The following BCAP31 variants were observed in gnomAD, a reference collection of about 807,000 sequenced individuals.
BCAP31 encodes the protein B-cell receptor-associated protein 31.
For missense variants in BCAP31, 124 were observed against 193.0 expected, an observed-to-expected ratio of 0.64 and a Z score of 2.12; for synonymous variants, 75 against 80.9, an observed-to-expected ratio of 0.93 and a Z score of 0.39.
chrX:153,707,462 G>A (rs2091562624), intron 4 of BCAP31, among the ~76,000 whole-genome samples: 1 of 111,075 alleles, frequency 9.0e-6, no homozygotes, highest in African/African-American at 3.3e-5. Flanking sequence ...GACAGGTGAG[G>A]GGACAGATTT....
intron 4 of BCAP31, among the ~76,000 whole-genome samples, chrX:153,708,729 G>A (rs1557048650): frequency 1.8e-5 from 2 of 112,901 alleles, no homozygotes; most frequent in African/African-American, 3.2e-5. Flanking sequence ...TGCCCTCAGC[G>A]ACTCTTACCC....
At chrX:153,721,927 C>A (rs922907354) in intron 2 of BCAP31, among the ~76,000 whole-genome samples, 3 of 110,632 alleles carry the variant, frequency 2.7e-5, no homozygotes, top group Non-Finnish European at 5.7e-5. Flanking sequence ...AACAAAAAAA[C>A]CACAACAACA....
At chrX:153,722,403 C>T (rs1193712706) in intron 2 of BCAP31, among the ~76,000 whole-genome samples, 4 of 111,476 alleles carry the variant, frequency 3.6e-5, no homozygotes, top group Non-Finnish European at 7.5e-5. Context: ...ATTGTCTGTC[C>T]TCTAAAGCTT....
At chrX:153,720,683 A>T (rs1458581379) in intron 3 of BCAP31, among the ~76,000 whole-genome samples, 189 bp downstream of exon 3, 1 of 112,409 alleles carries the variant, frequency 8.9e-6, no homozygotes, top group Non-Finnish European at 1.9e-5. Flanking sequence ...CTCAAAGTGA[A>T]GAACCGACTA....
chrX:153,702,824 G>A (rs1394381910), intron 6 of BCAP31, 111 bp downstream of exon 6: 19 of 1,060,147 alleles, frequency 1.8e-5, no homozygotes, highest in Middle Eastern at 3.7e-4. Context: ...GCCAGCCCTC[G>A]AGCGTGCGTG....
At chrX:153,723,582 AT>A in intron 1 of BCAP31, 1 of 1,168,080 alleles carries the variant, frequency 8.6e-7, no homozygotes, top group Non-Finnish European at 1.1e-6. Flanking sequence ...GAAGCCCGAG[AT>A]TTCCGACGCC....
At chrX:153,720,090 C>T (rs1358729778) in intron 3 of BCAP31, among the ~76,000 whole-genome samples, 1 of 111,779 alleles carries the variant, frequency 8.9e-6, no homozygotes, top group African/African-American at 3.3e-5. Context: ...CAGGGAATGG[C>T]AGGACTTCAC....
At chrX:153,718,864 C>T (rs2091646703) in intron 3 of BCAP31, among the ~76,000 whole-genome samples, 1 of 111,188 alleles carries the variant, frequency 9.0e-6, no homozygotes, top group Non-Finnish European at 1.9e-5. Context: ...AGATCCTGCA[C>T]CCTCAGCAAC....
chrX:153,703,345 T>G (rs1251532879), intron 5 of BCAP31, among the ~76,000 whole-genome samples: 1 of 112,942 alleles, frequency 8.9e-6, no homozygotes, highest in Non-Finnish European at 1.9e-5. Context: ...CCTGCCTCCT[T>G]CCCAAGCAGC....
intron 4 of BCAP31, chrX:153,705,004 G>A (rs1207087990): frequency 8.9e-6 from 1 of 111,949 alleles, no homozygotes; most frequent in Non-Finnish European, 1.9e-5. Context: ...CGAGATGTTA[G>A]CTGGCAGGAA....
rs782196173 is a variant in BCAP31 at position 153,718,037 on chromosome X, C to T, written c.194-2348G>A. Among the ~76,000 whole-genome samples the T allele has an allele frequency of 7.2e-5, 8 of 111,583 alleles. No individual in the cohort carries two copies. In the South Asian group the frequency reaches 1.5e-3, roughly 21 times the overall value. On this transcript the variant is annotated intron_variant, in intron 3 of 7. Coordinates refer to ENST00000345046, the MANE Select transcript of BCAP31 (RefSeq NM_001256447.2). ...GAGATTGCTATAAAAAGATGTTGGCCGGACACAGTGGCTCATGCCTGTAAT... is the reference window on the plus strand; with the variant it reads ...GAGATTGCTATAAAAAGATGTTGGCTGGACACAGTGGCTCATGCCTGTAAT...
At chrX:153,712,184 G>A (rs1311282402) in intron 4 of BCAP31, among the ~76,000 whole-genome samples, 1 of 110,978 alleles carries the variant, frequency 9.0e-6, no homozygotes, top group Non-Finnish European at 1.9e-5. Flanking sequence ...CACTTTGGGA[G>A]GATGAGGTGG....
chrX:153,721,054 G>T (rs868926198), intron 2 of BCAP31, 82 bp from the exon 3 acceptor site: 1 of 839,553 alleles, frequency 1.2e-6, no homozygotes, highest in Middle Eastern at 2.8e-4. Context: ...TGGAAATCCA[G>T]CTTTGTACTC....
intron 5 of BCAP31, 97 bp downstream of exon 5, chrX:153,703,862 C>A: frequency 9.0e-7 from 1 of 1,111,316 alleles, no homozygotes. Flanking sequence ...CATTTCCCAG[C>A]GTGACAGGCT....
chrX:153,706,056 G>A (rs1241475368), intron 4 of BCAP31, among the ~76,000 whole-genome samples: 3 of 111,651 alleles, frequency 2.7e-5, no homozygotes, highest in African/African-American at 9.8e-5. Context: ...CAAGATCCAC[G>A]CTGTGTGTGT....
intron 4 of BCAP31, among the ~76,000 whole-genome samples, chrX:153,709,542 C>T (rs1285513565): frequency 2.7e-5 from 3 of 112,539 alleles, no homozygotes; most frequent in African/African-American, 9.7e-5. Flanking sequence ...GAGGGCCTCT[C>T]GCTAGCTGTG....
chrX:153,709,053 C>T (rs2091572851), intron 4 of BCAP31, among the ~76,000 whole-genome samples: 1 of 112,092 alleles, frequency 8.9e-6, no homozygotes, highest in African/African-American at 3.2e-5. Flanking sequence ...GTCCTCCCTT[C>T]TTCTTGAGAA....
chrX:153,723,688 C>T lies in BCAP31; in HGVS notation c.-44-400G>A, dbSNP rs782087472. On this transcript the variant is annotated intron_variant, in intron 1 of 7. Transcript: ENST00000345046. Reference sequence around the variant, plus strand: ...ATCGGGCGCTCCCTTCCCCGCCAGGCAGAACTCAGCCGCAGAGGCGGGCGC... The same window carrying T: ...ATCGGGCGCTCCCTTCCCCGCCAGGTAGAACTCAGCCGCAGAGGCGGGCGC... The T allele has an allele frequency of 3.8e-4, 437 of 1,151,013 alleles. 1 individual carries two copies. In the South Asian group the frequency reaches 8.0e-3, roughly 21 times the overall value. 94.9% of individuals were successfully genotyped at this position (1,151,013 alleles called of 1,213,427 possible).
At chrX:153,708,445 G>GCGA (rs1273607838) in intron 4 of BCAP31, among the ~76,000 whole-genome samples, 1 of 112,388 alleles carries the variant, frequency 8.9e-6, no homozygotes, top group African/African-American at 3.2e-5. Context: ...CCTGCTGACG[G>GCGA]GTTTCAGGCG....
Sources: gnomAD v4.1 joint callset for allele counts (sites outside exome capture counted in the v4.1 genomes callset) on GRCh38, gnomAD v4.1.1 for gene constraint, MANE v1.5 for transcripts, NCBI Gene and HGNC (gene_info 2026-07-23, HGNC 2026-07-21) for gene names.